Variants in RP1 observed in about 807,000 individuals in gnomAD.
RP1 encodes oxygen-regulated protein 1.
In RP1, 16 loss-of-function variants were observed where a neutral mutation model predicts 14.8. The observed-to-expected ratio is 1.08, with a 90% CI of 0.73 to 1.65. The LOEUF is 1.65. RP1 is among the 40% of genes most tolerant of loss of function. RP1 has a pLI of 0.00. For synonymous variants in RP1, 876 were observed against 883.6 expected (o/e 0.99, Z 0.15); for missense variants, 2,631 against 2,535.0 (o/e 1.04, Z -0.81).
intron 15 of RP1, among the ~76,000 whole-genome samples, chr8:54,715,494 A>G (rs1004464748): frequency 6.6e-6 from 1 of 152,238 alleles, no homozygotes; most frequent in African/African-American, 2.4e-5. Flanking sequence ...GGTTAAAAAT[A>G]CCATTCCTTC....
chr8:54,727,687 A>T (rs1034395389), intron 17 of RP1, among the ~76,000 whole-genome samples: 5 of 152,046 alleles, frequency 3.3e-5, no homozygotes, highest in Non-Finnish European at 5.9e-5. Context: ...TTAATTCAAC[A>T]TTAAATATGA....
intron 1 of RP1, among the ~76,000 whole-genome samples, chr8:54,564,032 C>T (rs985452793): frequency 6.6e-6 from 1 of 152,218 alleles, no homozygotes; most frequent in African/African-American, 2.4e-5. Context: ...TGAGAGACCG[C>T]TGCGGAGTTG....
chr8:54,791,042 C>A (rs565861081), intron 24 of RP1, among the ~76,000 whole-genome samples: 21 of 152,000 alleles, frequency 1.4e-4, no homozygotes, highest in Admixed American at 1.2e-3. Flanking sequence ...ATGTTATGCA[C>A]AAAGCAAATT....
chr8:54,726,618 G>GC (rs1808661758), intron 17 of RP1: 2 of 670,616 alleles, frequency 3.0e-6, no homozygotes, highest in South Asian at 1.1e-4. Context: ...CTGTTATCTT[G>GC]CTTTTTTATG....
At chr8:54,597,892 T>G (rs1021451179) in intron 1 of RP1, among the ~76,000 whole-genome samples, 2 of 151,934 alleles carry the variant, frequency 1.3e-5, no homozygotes, top group Non-Finnish European at 2.9e-5. Flanking sequence ...TTGATGAAAA[T>G]GTGTACATAT....
intron 24 of RP1, among the ~76,000 whole-genome samples, chr8:54,830,986 T>A (rs1811506504): frequency 6.6e-6 from 1 of 152,116 alleles, no homozygotes; most frequent in Non-Finnish European, 1.5e-5. Context: ...TTGTTTCCCT[T>A]AGCATCATGT....
Position 54,620,959 on chromosome 8 carries a change from C to T in RP1, c.-8C>T, listed in dbSNP as rs199940892. 41 of 1,613,988 alleles carry T rather than the reference C, an allele frequency of 2.5e-5. No individual in the cohort carries two copies. Among genetic ancestry groups the T allele is most frequent in the Non-Finnish European group, 3.4e-5 (40 of 1,179,986 alleles). ...ATAATTTTCTTTCTTCTCTAGGTCTCAGCCAAAATGAGTGATACCCCTTCT... is the reference window on the plus strand; with the variant it reads ...ATAATTTTCTTTCTTCTCTAGGTCTTAGCCAAAATGAGTGATACCCCTTCT... On this transcript the variant is annotated 5_prime_UTR_variant, in exon 2 of 4. Transcript: ENST00000220676.
chr8:54,574,380 A>C (rs562470542), intron 1 of RP1, among the ~76,000 whole-genome samples: 13 of 152,268 alleles, frequency 8.5e-5, no homozygotes, highest in African/African-American at 2.6e-4. Context: ...CTGCAGCACT[A>C]GGAGACAGGA....
exon 1 of RP1, chr8:54,559,199 T>A (rs146028590): frequency 6.6e-6 from 1 of 152,286 alleles, no homozygotes; most frequent in Non-Finnish European, 1.5e-5. Context: ...GTAGGCAGCA[T>A]CTGAGCAACA....
chr8:54,708,631 T>C (rs889730775), intron 15 of RP1, among the ~76,000 whole-genome samples: 1 of 152,176 alleles, frequency 6.6e-6, no homozygotes, highest in Non-Finnish European at 1.5e-5. Context: ...AGTGCTGGGA[T>C]TACAGGCGTG....
At chr8:54,729,130 T>C (rs1808731080) in intron 17 of RP1, among the ~76,000 whole-genome samples, 1 of 152,232 alleles carries the variant, frequency 6.6e-6, no homozygotes, top group African/African-American at 2.4e-5. Context: ...GACTTATGAT[T>C]TGATGCTCTG....
intron 26 of RP1, among the ~76,000 whole-genome samples, chr8:54,853,662 C>T (rs1812106913): frequency 2.0e-5 from 3 of 151,314 alleles, no homozygotes; most frequent in African/African-American, 7.3e-5. Flanking sequence ...TTAAAACATA[C>T]TTACATGGGA....
rs528890380 is a variant in RP1 at position 54,783,101 on chromosome 8, A to G, written c.3452-446A>G. On this transcript the variant is annotated intron_variant, in intron 23 of 28. Coordinates refer to the RP1 transcript ENST00000637698. ...TTTTTATATCTTCTACATCCTTAGC[A>G]CTATCTGCTAGGATCACCAAACTGT... is the stretch of plus-strand genomic sequence containing the variant. 1.2e-4 allele frequency among the ~76,000 whole-genome samples: 18 copies of G among 152,194 alleles called. No homozygotes were observed. In the South Asian group the frequency reaches 3.7e-3, roughly 32 times the overall value.
At position 54,630,402 on chromosome 8, in the gene RP1, G is replaced by GATGA. The variant is rs760811921; in HGVS notation, c.*51_*54dup. The GATGA allele has an allele frequency of 6.2e-7, 1 of 1,607,090 alleles. No individual in the cohort carries two copies. The highest frequency in any genetic ancestry group is 8.5e-7 in the Non-Finnish European group (1 of 1,176,202). ...TTTGTCAATTCATTTTTTCCCATGA[G>GATGA]ATGAAGCACATGTGACGAATACGGA... On this transcript the variant is annotated 3_prime_UTR_variant, in exon 4 of 4. Transcript: ENST00000220676.
At chr8:54,683,462 G>A (rs1204764902) in intron 12 of RP1, among the ~76,000 whole-genome samples, 1 of 152,062 alleles carries the variant, frequency 6.6e-6, no homozygotes, top group African/African-American at 2.4e-5. Flanking sequence ...ATTTGTTTGT[G>A]TCCTCTCTGA....
intron 22 of RP1, among the ~76,000 whole-genome samples, chr8:54,769,080 G>C (rs1425826553): frequency 6.6e-6 from 1 of 151,810 alleles, no homozygotes; most frequent in African/African-American, 2.4e-5. Flanking sequence ...ATTTTTAGTA[G>C]AGATGGGCTT....
At position 54,620,952 on chromosome 8, in the gene RP1, T is replaced by A. The variant is rs368569283; in HGVS notation, c.-12-3T>A. ...TCTGGAGATAATTTTCTTTCTTCTCTAGGTCTCAGCCAAAATGAGTGATAC... is the reference window on the plus strand; with the variant it reads ...TCTGGAGATAATTTTCTTTCTTCTCAAGGTCTCAGCCAAAATGAGTGATAC... On this transcript the variant is annotated splice_region_variant and splice_polypyrimidine_tract_variant and intron_variant, in intron 1 of 3. Transcript: ENST00000220676. 6.2e-6 allele frequency: 10 copies of A among 1,613,906 alleles called. No homozygotes were observed. The highest frequency in any genetic ancestry group is 8.5e-6 in the Non-Finnish European group (10 of 1,179,868).
At chr8:54,770,628 A>G (rs1809878379), downstream of RP1, among the ~76,000 whole-genome samples, 1 of 149,736 alleles carries the variant, frequency 6.7e-6, no homozygotes, top group Non-Finnish European at 1.5e-5. Flanking sequence ...ATTGCCTAAA[A>G]CCATGATTTC....
Position 54,625,243 on chromosome 8 carries a change from T to A in RP1, c.1361T>A (p.Leu454Gln). The A allele has an allele frequency of 6.2e-7, 1 of 1,614,160 alleles. No homozygotes were observed. The highest frequency in any genetic ancestry group is 8.5e-7 in the Non-Finnish European group (1 of 1,180,030). Residue 454 changes from leucine (L) to glutamine (Q), a missense_variant, in exon 4 of 4, where the codon CTA (leucine) becomes CAA (glutamine). Physicochemically the swap from Leu to Gln is moderately radical, Grantham distance 113. Coordinates refer to ENST00000220676, the MANE Select transcript of RP1 (RefSeq NM_006269.2). ...HRFYRPPTPG[L>Q]RRVRQKKSVI... The stretch of plus-strand genomic sequence containing the variant: ...TTTTATAGGCCCCCTACACCTGGAC[T>A]AAGAAGAGTGAGACAAAAGAAATCT...
Sources: gnomAD v4.1 joint callset for allele counts (sites outside exome capture counted in the v4.1 genomes callset) on GRCh38, gnomAD v4.1.1 for gene constraint, MANE v1.5 for transcripts, NCBI Gene and HGNC (gene_info 2026-07-23, HGNC 2026-07-21) for gene names.